ELFN1: variants seen among roughly 807,000 people sequenced by gnomAD.
ELFN1 encodes the protein extracellular leucine rich repeat and fibronectin type III domain containing 1, also known as protein ELFN1.
A neutral mutation model predicts 7.6 loss-of-function variants in ELFN1; 6 were observed. The observed-to-expected ratio is 0.79, with a 90% confidence interval of 0.43 to 1.56. ELFN1 has a LOEUF of 1.56. Ranked by LOEUF, ELFN1 falls within the 40% of genes most tolerant of loss-of-function variation. ELFN1 has a pLI of 0.01. For missense variants in ELFN1, 1,169 were observed against 1,232.2 expected, an observed-to-expected ratio of 0.95 and a Z score of 0.77; for synonymous variants, 657 against 588.1, an observed-to-expected ratio of 1.12 and a Z score of -1.70.
intron 2 of ELFN1, among the ~76,000 whole-genome samples, chr7:1,694,949 G>T (rs1473906212): frequency 6.6e-6 from 1 of 152,238 alleles, no homozygotes; most frequent in East Asian, 1.9e-4. Context: ...GACCCTGGCT[G>T]CCAACAGCAG....
chr7:1,706,259 C>G (rs1448509763), intron 2 of ELFN1, among the ~76,000 whole-genome samples: 1 of 152,154 alleles, frequency 6.6e-6, no homozygotes, highest in Non-Finnish European at 1.5e-5. Flanking sequence ...CTCATCTCTA[C>G]TAAAAATACA....
intron 3 of ELFN1, among the ~76,000 whole-genome samples, chr7:1,721,965 A>G (rs573187277): frequency 8.5e-5 from 13 of 152,310 alleles, no homozygotes; most frequent in African/African-American, 3.1e-4. Context: ...CTCCCAGAAC[A>G]TTCTGGGGTG....
rs1055805993 is a variant in ELFN1, at chr7:1,746,653, C to T, written c.2057C>T (p.Ala686Val). 8.8e-6 allele frequency: 12 copies of T among 1,361,756 alleles called. No individual in the cohort carries two copies. The highest frequency in any genetic ancestry group is 1.6e-5 in the South Asian group (1 of 60,636). The allele number at this position is 1,361,756 out of a possible 1,614,324, so 84.4% of individuals were successfully genotyped here. Residue 686 changes from alanine to valine, a missense_variant, in exon 4 of 4, where the codon GCG (alanine) becomes GTG (valine). Around this residue, in one of 2 missense-constraint regions of ELFN1, gnomAD observed 914 missense variants for 872.6 expected, o/e 1.05. Transcript: ENST00000424383. ...AADAILTVTPAAAVLRAEAEK... is the reference protein window; with the variant it reads ...AADAILTVTPVAAVLRAEAEK... ...GACGCCATCCTCACTGTGACACCCG[C>T]GGCCGCCGTGCTGCGGGCCGAGGCC...
chr7:1,725,104 A>G (rs1235922632), intron 3 of ELFN1, among the ~76,000 whole-genome samples: 1 of 152,206 alleles, frequency 6.6e-6, no homozygotes, highest in Non-Finnish European at 1.5e-5. Context: ...GGGGATCAAA[A>G]AGGGGTCTCC....
At chr7:1,715,394 G>A (rs1253870588) in intron 3 of ELFN1, among the ~76,000 whole-genome samples, 1 of 152,120 alleles carries the variant, frequency 6.6e-6, no homozygotes, top group African/African-American at 2.4e-5. Context: ...ATAGGAGCCC[G>A]GCACAAGGGC....
chr7:1,727,660 A>C (rs1331224770), intron 3 of ELFN1, among the ~76,000 whole-genome samples: 1 of 152,092 alleles, frequency 6.6e-6, no homozygotes, highest in African/African-American at 2.4e-5. Context: ...CCAGGGTGGC[A>C]TGCAATGGTG....
chr7:1,717,150 G>A (rs1048242340), intron 3 of ELFN1, among the ~76,000 whole-genome samples: 2 of 152,158 alleles, frequency 1.3e-5, no homozygotes, highest in African/African-American at 2.4e-5. Context: ...CAGTGGTGCC[G>A]CCGCACGCAG....
chr7:1,694,123 AG>A, intron 2 of ELFN1: 1 of 249,740 alleles, frequency 4.0e-6, no homozygotes. Context: ...AGCTCCAGCC[AG>A]GGTTCCCCAG....
chr7:1,744,450 G>A lies in ELFN1; in HGVS notation c.-147G>A, dbSNP rs540111296. On this transcript the variant is annotated 5_prime_UTR_variant, in exon 4 of 4. Transcript: ENST00000424383. ...CGCCCTCCCTCCCCGCGCTTACGTCGCGCGGCCATGCGGTTTGGGACAGGA... is the reference window on the plus strand; with the variant it reads ...CGCCCTCCCTCCCCGCGCTTACGTCACGCGGCCATGCGGTTTGGGACAGGA... 15 of 921,026 alleles carry A rather than the reference G, an allele frequency of 1.6e-5. No individual in the cohort carries two copies. The highest frequency in any genetic ancestry group is 6.0e-5 in the East Asian group (2 of 33,390). 57.1% of individuals were successfully genotyped at this position (921,026 alleles called of 1,614,324 possible).
rs575603716 is a variant in ELFN1 at position 1,711,822 on chromosome 7, C to A, written c.-294+2570C>A. On this transcript the variant is annotated intron_variant, in intron 3 of 3. Coordinates refer to ENST00000424383, the MANE Select transcript of ELFN1 (RefSeq NM_001128636.4). The stretch of plus-strand genomic sequence containing the variant: ...ACAGACCCTCTCTCAATGAGGCTTC[C>A]CTGGGCTGGGAGCTCTTGGGAAGAC... Among the ~76,000 whole-genome samples the A allele has an allele frequency of 2.6e-5, 4 of 152,278 alleles. No homozygotes were observed. The South Asian group carries it at 8.3e-4, about 32-fold the overall frequency.
intron 3 of ELFN1, among the ~76,000 whole-genome samples, chr7:1,737,218 C>G (rs1203688623): frequency 6.6e-6 from 1 of 152,186 alleles, no homozygotes; most frequent in Non-Finnish European, 1.5e-5. Flanking sequence ...CCCCGTCTCG[C>G]ACACCTCCCT....
At position 1,747,180 on chromosome 7, in the gene ELFN1, A is replaced by G; in HGVS notation, c.*97A>G. 1.5e-6 allele frequency: 2 copies of G among 1,318,940 alleles called. No homozygotes were observed. Among genetic ancestry groups the G allele is most frequent in the Non-Finnish European group, 2.0e-6 (2 of 1,001,354 alleles). The allele number at this position is 1,318,940 out of a possible 1,614,324, so 81.7% of individuals were successfully genotyped here. ...CCAACACACGCACGCCACCACAGCA[A>G]CTGTGACAGCGGGGGGCCCTGCAGA... On this transcript the variant is annotated 3_prime_UTR_variant, in exon 4 of 4. Coordinates refer to ENST00000424383, the MANE Select transcript of ELFN1 (RefSeq NM_001128636.4).
chr7:1,695,199 C>G lies in ELFN1; in HGVS notation c.-456+7049C>G, dbSNP rs1779276219. 6.6e-6 allele frequency among the ~76,000 whole-genome samples: 1 copy of G among 152,222 alleles called. No homozygotes were observed. The highest frequency in any genetic ancestry group is 1.5e-5 in the Non-Finnish European group (1 of 68,030). On this transcript the variant is annotated intron_variant, in intron 2 of 3. Coordinates refer to ENST00000424383, the MANE Select transcript of ELFN1 (RefSeq NM_001128636.4). The surrounding 1 kb of genome is among the most constrained non-coding windows in gnomAD (Gnocchi z 5.1). ...GGGCTGTGAGGGTTCTGTCCATCCA[C>G]CAGGAAGGCCACCAGGACCCTGCTC...
At chr7:1,678,239 G>A (rs530800429) in intron 1 of ELFN1, among the ~76,000 whole-genome samples, 5 of 152,206 alleles carry the variant, frequency 3.3e-5, no homozygotes, top group South Asian at 2.1e-4. Flanking sequence ...ACAGGTGCAC[G>A]CACACACACA....
At chr7:1,729,463 C>G (rs1453217043) in intron 3 of ELFN1, among the ~76,000 whole-genome samples, 1 of 152,166 alleles carries the variant, frequency 6.6e-6, no homozygotes, top group Non-Finnish European at 1.5e-5. Context: ...TGGGACCACA[C>G]CCCCCACCAC....
intron 3 of ELFN1, 101 bp from the exon 4 acceptor site, chr7:1,744,203 T>C (rs1780708717): frequency 4.1e-6 from 1 of 242,024 alleles, no homozygotes; most frequent in Non-Finnish European, 7.8e-6. Context: ...GAGCAGGGAC[T>C]CAGGCCACAT....
chr7:1,747,696 C>T lies in ELFN1; in HGVS notation c.*613C>T. Reference sequence around the variant, plus strand: ...CTCCGGGACAGGTCCTGGAGCCCTGCTGGACTCAGGGTGGGTGGAGGCTGT... The same window carrying T: ...CTCCGGGACAGGTCCTGGAGCCCTGTTGGACTCAGGGTGGGTGGAGGCTGT... On this transcript the variant is annotated 3_prime_UTR_variant, in exon 4 of 4. Transcript: ENST00000424383. 6.1e-6 allele frequency: 1 copy of T among 164,704 alleles called. No homozygotes were observed. 10.2% of individuals were successfully genotyped at this position (164,704 alleles called of 1,614,324 possible).
rs1381769831 is a variant in ELFN1 at position 1,744,476 on chromosome 7, C to T, written c.-121C>T. The T allele has an allele frequency of 3.4e-6, 4 of 1,189,140 alleles. No homozygotes were observed. The highest frequency in any genetic ancestry group is 4.5e-6 in the Non-Finnish European group (4 of 886,052). 73.7% of individuals were successfully genotyped at this position (1,189,140 alleles called of 1,614,324 possible). On this transcript the variant is annotated 5_prime_UTR_variant, in exon 4 of 4. Transcript: ENST00000424383. ...CGCGGCCATGCGGTTTGGGACAGGA[C>T]ACCCCTGAGAGTGCAGGCACCTCCC... is the stretch of plus-strand genomic sequence containing the variant.
intron 2 of ELFN1, chr7:1,693,364 G>C (rs1212473442): frequency 2.1e-6 from 1 of 469,740 alleles, no homozygotes; most frequent in South Asian, 1.5e-5. Context: ...GGACTGCCCA[G>C]TGTGCCTGGA....
Sources: gnomAD v4.1 joint callset for allele counts (sites outside exome capture counted in the v4.1 genomes callset) on GRCh38, gnomAD v4.1.1 for gene constraint, gnomAD v4.1.1 regional missense constraint, Gnocchi (gnomAD v3.1) non-coding constraint, MANE v1.5 for transcripts, NCBI Gene and HGNC (gene_info 2026-07-23, HGNC 2026-07-21) for gene names.